The following SHISAL1 variants were observed in gnomAD, a reference collection of about 807,000 sequenced individuals.
SHISAL1 encodes shisa like 1.
SHISAL1 carries 9 observed loss-of-function variants against 22.6 expected under a neutral mutation model. The observed-to-expected ratio is 0.40, with a 90% CI of 0.24 to 0.70. The LOEUF (loss-of-function observed/expected upper bound fraction) is 0.70, where lower values mean the gene tolerates loss of function less well. Among genes scored for constraint, SHISAL1 ranks in the 30% least tolerant of loss-of-function variants. The pLI is 0.39. For missense variants in SHISAL1, 246 were observed against 270.6 expected (o/e 0.91, Z 0.64); for synonymous variants, 119 against 115.4 (o/e 1.03, Z -0.20).
chr22:44,302,281 A>G (rs1020609154), intron 1 of SHISAL1, among the ~76,000 whole-genome samples: 4 of 147,752 alleles, frequency 2.7e-5, no homozygotes, highest in African/African-American at 7.5e-5. Context: ...TGGAGGCTGC[A>G]GTGAGCTGAG....
chr22:44,281,264 G>A (rs941328136), intron 4 of SHISAL1, among the ~76,000 whole-genome samples: 1 of 152,168 alleles, frequency 6.6e-6, no homozygotes, highest in Admixed American at 6.5e-5. Flanking sequence ...ATGTGCTGGG[G>A]CCCTGAGTCG....
At chr22:44,263,539 C>G (rs1363876008) in intron 4 of SHISAL1, among the ~76,000 whole-genome samples, 2 of 152,192 alleles carry the variant, frequency 1.3e-5, no homozygotes, top group African/African-American at 4.8e-5. Context: ...GAAAGAGACT[C>G]TGCTGACGCG....
chr22:44,259,413 G>C (rs529943250), intron 4 of SHISAL1, among the ~76,000 whole-genome samples: 1 of 151,714 alleles, frequency 6.6e-6, no homozygotes, highest in African/African-American at 2.4e-5. Flanking sequence ...ACTCCAGCTC[G>C]GGCGACAGTG....
the SHISAL1 span, among the ~76,000 whole-genome samples, chr22:44,331,450 T>TC: frequency 7.0e-5 from 10 of 142,070 alleles, no homozygotes; most frequent in Non-Finnish European, 1.5e-4. This position sits in a 1 kb window ranked among gnomAD's most constrained non-coding sequence, Gnocchi z 5.2. Context: ...GGCGCGCCCC[T>TC]CCCCCGCGCG....
At chr22:44,304,224 G>C (rs1466369165) in intron 1 of SHISAL1, among the ~76,000 whole-genome samples, 1 of 152,204 alleles carries the variant, frequency 6.6e-6, no homozygotes, top group East Asian at 1.9e-4. Flanking sequence ...CAGAGTTAGG[G>C]CTCTGGGCAG....
At chr22:44,278,341 G>C (rs756630392) in intron 4 of SHISAL1, among the ~76,000 whole-genome samples, 35 of 152,176 alleles carry the variant, frequency 2.3e-4, no homozygotes, top group Non-Finnish European at 3.4e-4. Context: ...GTGGGACTTT[G>C]TGATCGTGTG....
At chr22:44,304,859 C>T (rs770778824) in intron 1 of SHISAL1, among the ~76,000 whole-genome samples, 6 of 152,034 alleles carry the variant, frequency 3.9e-5, no homozygotes, top group Non-Finnish European at 5.9e-5. Context: ...CTCTGGCCCC[C>T]GTAGGGTGGG....
At chr22:44,326,255 T>C in the SHISAL1 span, among the ~76,000 whole-genome samples, 2 of 152,198 alleles carry the variant, frequency 1.3e-5, no homozygotes, top group Non-Finnish European at 2.9e-5. Flanking sequence ...TTGCCTTTAT[T>C]TTTAATTTGT....
intron 4 of SHISAL1, among the ~76,000 whole-genome samples, chr22:44,275,027 C>G (rs1412070271): frequency 6.6e-6 from 1 of 152,212 alleles, no homozygotes; most frequent in Non-Finnish European, 1.5e-5. Flanking sequence ...GAACTCAGCT[C>G]TGATTCGAAG....
chr22:44,321,055 T>C, the SHISAL1 span, among the ~76,000 whole-genome samples: 2 of 152,178 alleles, frequency 1.3e-5, no homozygotes, highest in Non-Finnish European at 2.9e-5. Flanking sequence ...CCTGGGAGAC[T>C]GCAGGCCTCC....
At chr22:44,260,462 C>G (rs1399753934) in intron 4 of SHISAL1, among the ~76,000 whole-genome samples, 2 of 152,144 alleles carry the variant, frequency 1.3e-5, no homozygotes, top group Non-Finnish European at 2.9e-5. Flanking sequence ...CGGACAGTGC[C>G]ATTAGGCTGG....
At chr22:44,290,906 G>A (rs2055348537) in intron 3 of SHISAL1, among the ~76,000 whole-genome samples, 1 of 152,196 alleles carries the variant, frequency 6.6e-6, no homozygotes. Context: ...GCAGGATTGA[G>A]GTTGTCTAGG....
chr22:44,321,441 C>A, the SHISAL1 span, among the ~76,000 whole-genome samples: 1 of 152,156 alleles, frequency 6.6e-6, no homozygotes, highest in African/African-American at 2.4e-5. Context: ...GATGCTGCCT[C>A]CTCTGGGAGG....
At chr22:44,289,466 A>ATGTGTGTG (rs35632126) in intron 3 of SHISAL1, among the ~76,000 whole-genome samples, 5 of 120,976 alleles carry the variant, frequency 4.1e-5, no homozygotes, top group South Asian at 2.8e-4. Context: ...GTCATTGTAA[A>ATGTGTGTG]TGTGTGTGTG....
At chr22:44,314,392 C>G (rs1009638285), upstream of SHISAL1, among the ~76,000 whole-genome samples, 6 of 152,136 alleles carry the variant, frequency 3.9e-5, no homozygotes, top group African/African-American at 1.4e-4. Context: ...TCTCTCTGAG[C>G]CTGGACTGCC....
At chr22:44,270,986 C>T (rs1273701998) in intron 4 of SHISAL1, among the ~76,000 whole-genome samples, 1 of 152,120 alleles carries the variant, frequency 6.6e-6, no homozygotes, top group Non-Finnish European at 1.5e-5. Context: ...GTGAAGGAGG[C>T]ACACTTAGCA....
rs76550049 is a variant in SHISAL1, at chr22:44,255,254, T to C, written c.*-5569A>G. Among the ~76,000 whole-genome samples the C allele has an allele frequency of 6.6e-3, 1,003 of 152,314 alleles. 14 individuals carry two copies. The highest frequency in any genetic ancestry group is 0.023 in the African/African-American group (954 of 41,554). On this transcript the variant is annotated intron_variant, in intron 4 of 4. Coordinates refer to ENST00000381176, the MANE Select transcript of SHISAL1 (RefSeq NM_001099294.2). The stretch of plus-strand genomic sequence containing the variant: ...CAGGCTGGAGATATGTTGATGACTT[T>C]TGACCCTCAAACTCTCACCTAAACT...
intron 4 of SHISAL1, among the ~76,000 whole-genome samples, chr22:44,284,889 G>GCCTGCCTGCCTGCCTGCCTGCCTTCCTT (rs1569217634): frequency 2.6e-5 from 2 of 75,816 alleles, no homozygotes; most frequent in Non-Finnish European, 5.2e-5. Context: ...CCACCTCTCT[G>GCCTGCCTGCCTGCCTGCCTGCCTTCCTT]CCTTCCTGCC....
chr22:44,256,291 T>C (rs1488739651), intron 4 of SHISAL1, among the ~76,000 whole-genome samples: 2 of 150,384 alleles, frequency 1.3e-5, no homozygotes, highest in Non-Finnish European at 2.9e-5. Flanking sequence ...ACTCACACCA[T>C]TGGCTCTCCT....
Sources: gnomAD v4.1 joint callset for allele counts (sites outside exome capture counted in the v4.1 genomes callset) on GRCh38, gnomAD v4.1.1 for gene constraint, Gnocchi (gnomAD v3.1) non-coding constraint, MANE v1.5 for transcripts, NCBI Gene and HGNC (gene_info 2026-07-23, HGNC 2026-07-21) for gene names.